GLB1L3: variants seen among roughly 807,000 people sequenced by gnomAD.
The protein encoded by GLB1L3 is galactosidase beta 1 like 3.
In GLB1L3, 89 loss-of-function variants were observed where a neutral mutation model predicts 89.5. The observed-to-expected ratio is 0.99, with a 90% CI of 0.84 to 1.19. The LOEUF (loss-of-function observed/expected upper bound fraction) is 1.19, where lower values mean the gene tolerates loss of function less well. GLB1L3 is among the 50% of genes most tolerant of loss of function. The pLI, the probability that GLB1L3 is intolerant of heterozygous loss-of-function variation, is 0.00. For missense variants in GLB1L3, 812 were observed against 813.3 expected, an observed-to-expected ratio of 1.00 and a Z score of 0.02; for synonymous variants, 314 against 312.3, an observed-to-expected ratio of 1.01 and a Z score of -0.06.
chr11:134,280,449 T>C (rs2136107402), intron 3 of GLB1L3, among the ~76,000 whole-genome samples: 1 of 152,346 alleles, frequency 6.6e-6, no homozygotes, highest in Admixed American at 6.5e-5. Context: ...TATGTATTTA[T>C]TACATGCCGA....
At chr11:134,310,437 C>T (rs1942668258) in intron 11 of GLB1L3, 134 bp from the exon 12 acceptor site, 1 of 648,024 alleles carries the variant, frequency 1.5e-6, no homozygotes, top group African/African-American at 1.8e-5. Flanking sequence ...ACTGGCATCA[C>T]ACACCCACGT....
chr11:134,276,648 AC>A lies in GLB1L3; in HGVS notation c.-91del. ...CGCAGACCTGAGCCTGCCCCGCGGA[AC>A]CGGGGCTCGAGTCCCGGCCCGAGCG... On this transcript the variant is annotated 5_prime_UTR_variant, in exon 1 of 20. Coordinates refer to ENST00000431683, the MANE Select transcript of GLB1L3 (RefSeq NM_001080407.3). 1 of 1,169,306 alleles carries A rather than the reference AC, an allele frequency of 8.6e-7. No individual in the cohort carries two copies. The highest frequency in any genetic ancestry group is 1.1e-6 in the Non-Finnish European group (1 of 903,218). The allele number at this position is 1,169,306 out of a possible 1,614,324, so 72.4% of individuals were successfully genotyped here.
At chr11:134,318,056 C>T (rs979353530) in intron 18 of GLB1L3, among the ~76,000 whole-genome samples, 5 of 152,202 alleles carry the variant, frequency 3.3e-5, no homozygotes, top group South Asian at 2.1e-4. Context: ...TGATGCTTCT[C>T]TTATATGTAG....
chr11:134,317,132 G>T (rs1323972013), intron 18 of GLB1L3: 1 of 152,160 alleles, frequency 6.6e-6, no homozygotes, highest in African/African-American at 2.4e-5. Flanking sequence ...TACTGTTTAA[G>T]TTCCTTTCTT....
intron 3 of GLB1L3, among the ~76,000 whole-genome samples, chr11:134,280,908 G>T (rs1403314581): frequency 1.3e-5 from 2 of 152,176 alleles, no homozygotes; most frequent in African/African-American, 4.8e-5. Flanking sequence ...ATAGCCCTAT[G>T]GGGGAGGGTC....
chr11:134,299,904 A>G lies in GLB1L3; in HGVS notation c.876+6695A>G, dbSNP rs939394995. Among the ~76,000 whole-genome samples the G allele has an allele frequency of 3.9e-5, 6 of 152,130 alleles. No individual in the cohort carries two copies. In the East Asian group the frequency reaches 5.8e-4, roughly 15 times the overall value. The stretch of plus-strand genomic sequence containing the variant: ...ATCCCCTGCCCCTTTCCCAGATGCA[A>G]TGGATTTTATCCAGTTAAGATGTCC... On this transcript the variant is annotated intron_variant, in intron 9 of 19. Transcript: ENST00000431683.
intron 1 of GLB1L3, 57 bp downstream of exon 1, chr11:134,276,820 G>A (rs1207290725): frequency 2.3e-6 from 3 of 1,326,638 alleles, no homozygotes; most frequent in East Asian, 3.2e-5. Flanking sequence ...GTGCCCGGGA[G>A]CCTCCACCCT....
Position 134,279,185 on chromosome 11 carries a change from T to C in GLB1L3, c.362+1273T>C, listed in dbSNP as rs538426482. ...CAAGAATTATCTTTACCCTGAAAGTTTCTTAAGATTCACCTGTAAACTCTG... is the reference window on the plus strand; with the variant it reads ...CAAGAATTATCTTTACCCTGAAAGTCTCTTAAGATTCACCTGTAAACTCTG... On this transcript the variant is annotated intron_variant, in intron 3 of 19. Transcript: ENST00000431683. 3.3e-5 allele frequency among the ~76,000 whole-genome samples: 5 copies of C among 152,288 alleles called. No individual in the cohort carries two copies. In the East Asian group the frequency reaches 9.6e-4, roughly 29 times the overall value.
chr11:134,292,130 A>C lies in GLB1L3; in HGVS notation c.730-2A>C. 6.2e-7 allele frequency: 1 copy of C among 1,612,720 alleles called. No homozygotes were observed. Among genetic ancestry groups the C allele is most frequent in the Non-Finnish European group, 8.5e-7 (1 of 1,178,978 alleles). ...GTTCATTTTGGTTAATTTTCTCAAC[A>C]GGCCCTGCTGAGAAGAGGGATTGTG... On this transcript the variant is annotated splice_acceptor_variant, in intron 7 of 19. Coordinates refer to ENST00000431683, the MANE Select transcript of GLB1L3 (RefSeq NM_001080407.3). LOFTEE classifies it high-confidence loss of function.
At chr11:134,286,469 G>A (rs1940989392) in intron 6 of GLB1L3, among the ~76,000 whole-genome samples, 1 of 152,004 alleles carries the variant, frequency 6.6e-6, no homozygotes, top group South Asian at 2.1e-4. Flanking sequence ...TGGCAGGAGT[G>A]AGCCTCAAAA....
At chr11:134,299,402 A>G (rs985775914) in intron 9 of GLB1L3, among the ~76,000 whole-genome samples, 6 of 152,160 alleles carry the variant, frequency 3.9e-5, no homozygotes, top group Admixed American at 3.9e-4. Flanking sequence ...TGCATAGGAC[A>G]TAGATACTGT....
chr11:134,290,636 C>T (rs1280578715), intron 7 of GLB1L3, among the ~76,000 whole-genome samples: 6 of 151,028 alleles, frequency 4.0e-5, no homozygotes, highest in African/African-American at 1.5e-4. Flanking sequence ...AACTCCACTC[C>T]CAGGCCCAGG....
chr11:134,294,070 T>C (rs1941502978), intron 9 of GLB1L3, among the ~76,000 whole-genome samples: 1 of 152,054 alleles, frequency 6.6e-6, no homozygotes, highest in Admixed American at 6.6e-5. Context: ...TTTCATCAAT[T>C]TCTTTTTTTT....
intron 17 of GLB1L3, 147 bp from the exon 18 acceptor site, chr11:134,314,183 G>A (rs1422357703): frequency 1.4e-6 from 1 of 735,112 alleles, no homozygotes; most frequent in Non-Finnish European, 2.3e-6. Context: ...CCTGGAACAA[G>A]TGTCCTGATT....
At chr11:134,286,022 C>G (rs1282115548) in intron 6 of GLB1L3, among the ~76,000 whole-genome samples, 1 of 151,634 alleles carries the variant, frequency 6.6e-6, no homozygotes, top group East Asian at 1.9e-4. Context: ...AATTCTCCTG[C>G]CTCAGCTTCC....
chr11:134,281,389 G>C lies in GLB1L3; in HGVS notation c.375G>C (p.Trp125Cys), dbSNP rs550228630. The stretch of plus-strand genomic sequence containing the variant: ...TCACCTCTTCTAGCTATGTTCCGTG[G>C]AACCTGCATGAGCCAGAAAGAGGCA... ...GFNTVTTYVP[W>C]NLHEPERGKF... Residue 125 changes from tryptophan (W) to cysteine (C), a missense_variant, in exon 4 of 20, where the codon TGG (tryptophan) becomes TGC (cysteine). Physicochemically the swap from Trp to Cys is radical, Grantham distance 215. Coordinates refer to ENST00000431683, the MANE Select transcript of GLB1L3 (RefSeq NM_001080407.3). The C allele has an allele frequency of 6.2e-7, 1 of 1,614,130 alleles. No individual in the cohort carries two copies. The highest frequency in any genetic ancestry group is 1.3e-5 in the African/African-American group (1 of 75,012).
At chr11:134,319,909 C>T (rs961743788), downstream of GLB1L3, among the ~76,000 whole-genome samples, 1 of 152,072 alleles carries the variant, frequency 6.6e-6, no homozygotes, top group African/African-American at 2.4e-5. Context: ...GCTTCAGACA[C>T]GTGTGACAAC....
At chr11:134,288,727 G>A in intron 6 of GLB1L3, 71 bp from the exon 7 acceptor site, 2 of 1,117,214 alleles carry the variant, frequency 1.8e-6, no homozygotes, top group Non-Finnish European at 2.6e-6. Flanking sequence ...GCCTTCGGCA[G>A]CAAGCTCAGA....
chr11:134,313,859 T>G, intron 16 of GLB1L3, 82 bp from the exon 17 acceptor site: 2 of 874,952 alleles, frequency 2.3e-6, no homozygotes, highest in Non-Finnish European at 3.7e-6. Flanking sequence ...CATGTACAAG[T>G]CTGCATTGCT....
Sources: gnomAD v4.1 joint callset for allele counts (sites outside exome capture counted in the v4.1 genomes callset) on GRCh38, gnomAD v4.1.1 for gene constraint, MANE v1.5 for transcripts, NCBI Gene and HGNC (gene_info 2026-07-23, HGNC 2026-07-21) for gene names.